AGBL4: variants seen among roughly 807,000 people sequenced by gnomAD.
AGBL4 encodes the protein cytosolic carboxypeptidase 6.
Under a neutral mutation model 66.4 loss-of-function variants are expected in AGBL4, and 58 were observed. That is an observed-to-expected ratio of 0.87 (90% CI 0.71 to 1.09). AGBL4 has a LOEUF of 1.09. AGBL4 is among the 50% of genes least tolerant of loss of function. The pLI is 0.00. For synonymous variants in AGBL4, 234 were observed against 222.9 expected (o/e 1.05, Z -0.44); for missense variants, 579 against 631.0 (o/e 0.92, Z 0.88).
intron 3 of AGBL4, among the ~76,000 whole-genome samples, chr1:49,260,130 C>G (rs35067082): frequency 6.7e-6 from 1 of 148,556 alleles, no homozygotes; most frequent in East Asian, 2.0e-4. Flanking sequence ...ACACAACATA[C>G]CAGAATCTCT....
chr1:48,684,320 A>G (rs547009660), intron 6 of AGBL4, among the ~76,000 whole-genome samples: 1 of 152,362 alleles, frequency 6.6e-6, no homozygotes, highest in South Asian at 2.1e-4. Flanking sequence ...TGAATAGTCC[A>G]AAGAAGAAGG....
intron 1 of AGBL4, among the ~76,000 whole-genome samples, chr1:49,977,419 T>G (rs751007908): frequency 5.3e-5 from 8 of 152,256 alleles, no homozygotes; most frequent in Admixed American, 2.0e-4. Flanking sequence ...TATTATCTTC[T>G]GTAGACATAA....
intron 4 of AGBL4, among the ~76,000 whole-genome samples, chr1:49,088,591 G>A (rs1294848399): frequency 1.3e-5 from 2 of 152,150 alleles, no homozygotes; most frequent in Non-Finnish European, 2.9e-5. Context: ...GGAGTACCCT[G>A]ATTCATAAAG....
At chr1:49,170,262 T>A (rs1209648098) in intron 4 of AGBL4, among the ~76,000 whole-genome samples, 5 of 145,750 alleles carry the variant, frequency 3.4e-5, no homozygotes, top group Non-Finnish European at 7.5e-5. Context: ...ATATTATAAA[T>A]TTATATTCAT....
At chr1:49,259,515 T>C (rs1652898938) in intron 3 of AGBL4, among the ~76,000 whole-genome samples, 1 of 149,082 alleles carries the variant, frequency 6.7e-6, no homozygotes, top group Non-Finnish European at 1.5e-5. Context: ...TCCTAGTCTC[T>C]GATAAAACAG....
At chr1:49,514,290 C>A (rs1483031657) in intron 3 of AGBL4, among the ~76,000 whole-genome samples, 1 of 151,916 alleles carries the variant, frequency 6.6e-6, no homozygotes, top group Non-Finnish European at 1.5e-5. Flanking sequence ...GCATCCCTAT[C>A]TTGTGCCAGT....
chr1:48,727,670 CAGA>C, intron 6 of AGBL4: 1 of 345,936 alleles, frequency 2.9e-6, no homozygotes, highest in Non-Finnish European at 5.2e-6. Context: ...TCCCCATTCC[CAGA>C]AGGACACCAG....
intron 6 of AGBL4, among the ~76,000 whole-genome samples, chr1:48,795,985 A>C (rs542124690): frequency 6.6e-6 from 1 of 152,138 alleles, no homozygotes; most frequent in African/African-American, 2.4e-5. Flanking sequence ...GTGTAGATGC[A>C]TGTGACTACC....
At chr1:48,669,570 A>C (rs1454409976) in intron 6 of AGBL4, among the ~76,000 whole-genome samples, 1 of 152,182 alleles carries the variant, frequency 6.6e-6, no homozygotes, top group African/African-American at 2.4e-5. Flanking sequence ...AGAATATTAT[A>C]CTTGATTCAA....
At chr1:49,138,481 T>C (rs960940291) in intron 4 of AGBL4, among the ~76,000 whole-genome samples, 1 of 152,170 alleles carries the variant, frequency 6.6e-6, no homozygotes, top group Non-Finnish European at 1.5e-5. Context: ...TGCCAATTTG[T>C]TCCTTAACCC....
At chr1:49,226,894 G>A (rs1413585064) in intron 4 of AGBL4, among the ~76,000 whole-genome samples, 1 of 152,214 alleles carries the variant, frequency 6.6e-6, no homozygotes, top group Non-Finnish European at 1.5e-5. Flanking sequence ...CTGGAAGCCA[G>A]GAAGTCCAAG....
chr1:49,318,184 C>T (rs1441845499), intron 3 of AGBL4, among the ~76,000 whole-genome samples: 1 of 151,774 alleles, frequency 6.6e-6, no homozygotes, highest in African/African-American at 2.4e-5. Context: ...CCTCATATAC[C>T]CTTACATAGC....
At chr1:49,743,234 T>C (rs1048541246) in intron 2 of AGBL4, among the ~76,000 whole-genome samples, 4 of 152,080 alleles carry the variant, frequency 2.6e-5, no homozygotes, top group Non-Finnish European at 4.4e-5. Flanking sequence ...CAACAAAAAC[T>C]GGGCAAAGGA....
chr1:49,547,729 C>T (rs1280399630), intron 3 of AGBL4, among the ~76,000 whole-genome samples: 1 of 150,664 alleles, frequency 6.6e-6, no homozygotes, highest in Non-Finnish European at 1.5e-5. Flanking sequence ...AGGTATATTC[C>T]TAAGTATTTT....
At chr1:49,397,536 C>G (rs1025452060) in intron 3 of AGBL4, among the ~76,000 whole-genome samples, 2 of 152,030 alleles carry the variant, frequency 1.3e-5, no homozygotes, top group African/African-American at 4.8e-5. Context: ...ACACAATGAT[C>G]CAGCATGAAT....
intron 1 of AGBL4, among the ~76,000 whole-genome samples, chr1:49,899,280 A>C (rs1199582000): frequency 6.6e-6 from 1 of 152,120 alleles, no homozygotes; most frequent in Non-Finnish European, 1.5e-5. Flanking sequence ...AAAATAAAAA[A>C]AAAATTAAAA....
chr1:49,417,921 T>C lies in AGBL4; in HGVS notation c.283-172057A>G, dbSNP rs536576081. ...TAATTTTCTAAATGGATCCTCTGTA[T>C]AATATGGTCCACAGTAGAAAGGAGA... On this transcript the variant is annotated intron_variant, in intron 3 of 13. Transcript: ENST00000371839. Among the ~76,000 whole-genome samples, 398 of 152,308 alleles carry C rather than the reference T, an allele frequency of 2.6e-3. 2 individuals carry two copies. Among genetic ancestry groups the C allele is most frequent in the Admixed American group, 4.8e-3 (73 of 15,280 alleles).
chr1:49,130,072 G>T (rs1244002621), intron 4 of AGBL4, among the ~76,000 whole-genome samples: 1 of 152,004 alleles, frequency 6.6e-6, no homozygotes, highest in Non-Finnish European at 1.5e-5. Context: ...CAGTGATGGT[G>T]AGCATTTTTT....
At chr1:49,670,445 C>T (rs567160651) in intron 3 of AGBL4, among the ~76,000 whole-genome samples, 2 of 152,252 alleles carry the variant, frequency 1.3e-5, no homozygotes, top group East Asian at 3.9e-4. Flanking sequence ...TACAGCTTTG[C>T]TGATCTGAAG....
Sources: gnomAD v4.1 joint callset for allele counts (sites outside exome capture counted in the v4.1 genomes callset) on GRCh38, gnomAD v4.1.1 for gene constraint, MANE v1.5 for transcripts, NCBI Gene and HGNC (gene_info 2026-07-23, HGNC 2026-07-21) for gene names.